RBFOX1: variants seen among roughly 807,000 people sequenced by gnomAD.
RBFOX1 encodes the protein RNA binding protein fox-1 homolog 1.
In RBFOX1, 8 loss-of-function variants were observed where a neutral mutation model predicts 57.7. The observed-to-expected ratio is 0.14, with a 90% CI of 0.08 to 0.25. RBFOX1 has a LOEUF of 0.25. Ranked by LOEUF, RBFOX1 falls within the 10% of genes least tolerant of loss-of-function variation. The pLI is 1.00. For synonymous variants in RBFOX1, 326 were observed against 222.4 expected (o/e 1.47, Z -4.15); for missense variants, 611 against 548.5 (o/e 1.11, Z -1.14).
At chr16:6,758,920 G>A (rs1277529301) in intron 3 of RBFOX1, among the ~76,000 whole-genome samples, 1 of 152,040 alleles carries the variant, frequency 6.6e-6, no homozygotes, top group Admixed American at 6.6e-5. Context: ...GGGAGTCGGG[G>A]GGGAAAGAGT....
exon 1 of RBFOX1, chr16:5,240,002 T>C: frequency 6.5e-7 from 1 of 1,530,444 alleles, no homozygotes; most frequent in Non-Finnish European, 8.7e-7. Flanking sequence ...CGGCTGGGGC[T>C]GGAGGGGGGA....
rs568330311 is a variant in RBFOX1 at position 5,947,318 on chromosome 16, C to T, written c.351+79983C>T. 1.3e-5 allele frequency among the ~76,000 whole-genome samples: 2 copies of T among 152,152 alleles called. No homozygotes were observed. The highest frequency in any genetic ancestry group is 2.4e-5 in the African/African-American group (1 of 41,418). On this transcript the variant is annotated intron_variant, in intron 4 of 19. Transcript: ENST00000641259. This position sits in a 1 kb window ranked among gnomAD's most constrained non-coding sequence, Gnocchi z 7.2. ...TCAGAGGGGGAGGTCAGATCGCCAT[C>T]GAATGGACACCTCTTTTTACAACCA...
intron 4 of RBFOX1, among the ~76,000 whole-genome samples, chr16:7,232,490 A>C (rs2152925463): frequency 6.6e-6 from 1 of 152,266 alleles, no homozygotes; most frequent in South Asian, 2.1e-4. Flanking sequence ...ATACCTCCCC[A>C]CACACATATG....
intron 4 of RBFOX1, among the ~76,000 whole-genome samples, chr16:7,477,983 G>A (rs1321822685): frequency 3.9e-5 from 6 of 152,146 alleles, no homozygotes; most frequent in Non-Finnish European, 7.4e-5. Flanking sequence ...TGATTCATAA[G>A]TATATAATTT....
At chr16:7,431,606 A>G (rs940918938) in intron 4 of RBFOX1, among the ~76,000 whole-genome samples, 3 of 152,222 alleles carry the variant, frequency 2.0e-5, no homozygotes, top group Admixed American at 6.5e-5. Flanking sequence ...AAAATGTGTC[A>G]TCGGTGATAT....
At chr16:6,086,607 G>A (rs889917222) in intron 1 of RBFOX1, among the ~76,000 whole-genome samples, 11 of 152,310 alleles carry the variant, frequency 7.2e-5, no homozygotes, top group African/African-American at 2.2e-4. Context: ...ACTGGGCTGG[G>A]GGCGCATGCT....
At chr16:7,512,323 T>A (rs1488075116) in intron 4 of RBFOX1, among the ~76,000 whole-genome samples, 2 of 152,054 alleles carry the variant, frequency 1.3e-5, no homozygotes, top group Non-Finnish European at 2.9e-5. Context: ...TTCCAGAAAA[T>A]ACATTTCAGC....
At chr16:5,622,088 G>A (rs1736871666) in intron 3 of RBFOX1, among the ~76,000 whole-genome samples, 2 of 151,820 alleles carry the variant, frequency 1.3e-5, no homozygotes, top group South Asian at 2.1e-4. Flanking sequence ...CCTGAAAAAT[G>A]TGTTCTTCAT....
At chr16:6,610,190 A>C (rs1255010712) in intron 2 of RBFOX1, among the ~76,000 whole-genome samples, 1 of 152,184 alleles carries the variant, frequency 6.6e-6, no homozygotes, top group Non-Finnish European at 1.5e-5. Flanking sequence ...AGACTAAATT[A>C]TCATTCTGCT....
intron 1 of RBFOX1, among the ~76,000 whole-genome samples, chr16:5,291,991 G>T (rs992974131): frequency 4.0e-5 from 6 of 151,142 alleles, no homozygotes; most frequent in Non-Finnish European, 7.4e-5. Context: ...GCCATTTGCA[G>T]TTACTTTTTT....
chr16:7,571,425 C>T (rs576976793), intron 5 of RBFOX1, among the ~76,000 whole-genome samples: 9 of 152,122 alleles, frequency 5.9e-5, no homozygotes, highest in Non-Finnish European at 4.4e-5. Context: ...CCAATTTCAC[C>T]AGGATTAGTC....
intron 2 of RBFOX1, among the ~76,000 whole-genome samples, chr16:5,473,112 T>C (rs2069195186): frequency 6.6e-6 from 1 of 152,194 alleles, no homozygotes; most frequent in African/African-American, 2.4e-5. Context: ...CATGCCCCTT[T>C]CCATTGCCCT....
chr16:6,594,184 A>C (rs1047652332), intron 2 of RBFOX1, among the ~76,000 whole-genome samples: 1 of 152,196 alleles, frequency 6.6e-6, no homozygotes, highest in South Asian at 2.1e-4. Flanking sequence ...GTCTAGTAAG[A>C]GTGTGAAGTG....
At chr16:5,485,547 C>T (rs1567150627) in intron 2 of RBFOX1, among the ~76,000 whole-genome samples, 1 of 152,000 alleles carries the variant, frequency 6.6e-6, no homozygotes, top group Non-Finnish European at 1.5e-5. Context: ...CCAAGTACCA[C>T]AATTAGGGAC....
chr16:7,317,108 AC>A (rs989848182), intron 4 of RBFOX1, among the ~76,000 whole-genome samples: 3 of 151,852 alleles, frequency 2.0e-5, no homozygotes, highest in African/African-American at 7.3e-5. Flanking sequence ...AAAGCTGAGG[AC>A]GGGGGTGTCA....
At chr16:7,027,598 C>T (rs890269776) in intron 3 of RBFOX1, among the ~76,000 whole-genome samples, 2 of 152,070 alleles carry the variant, frequency 1.3e-5, no homozygotes, top group Non-Finnish European at 2.9e-5. Flanking sequence ...AAATACCCAG[C>T]CAGGGAACAA....
intron 1 of RBFOX1, among the ~76,000 whole-genome samples, chr16:6,217,289 A>C (rs2097342104): frequency 6.7e-6 from 1 of 149,420 alleles, no homozygotes; most frequent in African/African-American, 2.5e-5. Context: ...AAAATGTCTG[A>C]ATACTACCGT....
At chr16:5,656,020 G>A (rs1325973020) in intron 3 of RBFOX1, among the ~76,000 whole-genome samples, 1 of 152,202 alleles carries the variant, frequency 6.6e-6, no homozygotes, top group Non-Finnish European at 1.5e-5. Context: ...CTTGTAGTAC[G>A]TGCTCGTTAA....
At chr16:5,898,150 G>A (rs2058212860) in intron 4 of RBFOX1, among the ~76,000 whole-genome samples, 1 of 152,042 alleles carries the variant, frequency 6.6e-6, no homozygotes, top group Admixed American at 6.6e-5. Context: ...AGCAAAAGCA[G>A]GAAAAATCCT....
Sources: allele counts gnomAD v4.1 joint callset (sites outside exome capture counted in the v4.1 genomes callset), GRCh38; gene constraint gnomAD v4.1.1; non-coding constraint Gnocchi (gnomAD v3.1); transcripts MANE v1.5; gene names NCBI Gene and HGNC (gene_info 2026-07-23, HGNC 2026-07-21).